The following XRN1 variants were observed in gnomAD, a reference collection of about 807,000 sequenced individuals.
The protein encoded by XRN1 is 5'-3' exoribonuclease 1, also known as strand-exchange protein 1 homolog.
A neutral mutation model predicts 222.3 loss-of-function variants in XRN1; 67 were observed. That is an observed-to-expected ratio of 0.30 (90% CI 0.25 to 0.37). The LOEUF (loss-of-function observed/expected upper bound fraction) is 0.37, where lower values mean the gene tolerates loss of function less well. Ranked by LOEUF, XRN1 falls within the 10% of genes least tolerant of loss-of-function variation. The pLI, the probability that XRN1 is intolerant of heterozygous loss-of-function variation, is 1.00. For missense variants in XRN1, 1,707 were observed against 2,000.2 expected (o/e 0.85, Z 2.80); for synonymous variants, 643 against 652.4 (o/e 0.99, Z 0.22).
At chr3:142,429,530 G>A (rs55687115) in intron 2 of XRN1, among the ~76,000 whole-genome samples, 19,270 of 152,138 alleles carry the variant, frequency 0.13, 1,240 homozygotes, top group Non-Finnish European at 0.14. Context: ...AGTAAAACAG[G>A]GAATTATGAA....
At position 142,375,815 on chromosome 3, in the gene XRN1, C is replaced by A. The variant is rs149638821; in HGVS notation, c.2961G>T (p.Leu987=). The part of the protein sequence containing the change: ...WMYSSAAEQL[L]AEYLERAPEL... Reference sequence around the variant, plus strand: ...GTACTTACCTCTCTAAGTACTCTGCCAGAAGTTGTTCTGCTGCAGATGAAT... The same window carrying A: ...GTACTTACCTCTCTAAGTACTCTGCAAGAAGTTGTTCTGCTGCAGATGAAT... The change falls in exon 25 of 41, where the codon CTG becomes CTT. Residue 987 remains leucine, a synonymous_variant. Transcript: ENST00000392981. 8.7e-6 allele frequency: 14 copies of A among 1,613,412 alleles called. No individual in the cohort carries two copies. The highest frequency in any genetic ancestry group is 1.3e-5 in the African/African-American group (1 of 74,864).
chr3:142,374,684 C>T (rs1281738448), intron 25 of XRN1, among the ~76,000 whole-genome samples: 2 of 151,982 alleles, frequency 1.3e-5, no homozygotes, highest in Non-Finnish European at 2.9e-5. Flanking sequence ...ATAAATATGT[C>T]AAGTTGAAAA....
chr3:142,412,201 T>C (rs911754002), intron 15 of XRN1, among the ~76,000 whole-genome samples: 18 of 152,332 alleles, frequency 1.2e-4, no homozygotes, highest in Middle Eastern at 3.4e-3. Flanking sequence ...ATAATTCTGG[T>C]AATTTTTGCT....
intron 36 of XRN1, among the ~76,000 whole-genome samples, chr3:142,332,154 A>C (rs1449683109): frequency 6.6e-6 from 1 of 152,156 alleles, no homozygotes; most frequent in Non-Finnish European, 1.5e-5. Context: ...GTGTGGTGGC[A>C]TATACCTGTA....
chr3:142,324,070 T>C (rs1560287438), intron 37 of XRN1, among the ~76,000 whole-genome samples: 1 of 151,860 alleles, frequency 6.6e-6, no homozygotes, highest in Non-Finnish European at 1.5e-5. Context: ...ATATATATTA[T>C]TGGGTTTTTT....
chr3:142,352,416 G>C (rs1377833636), intron 32 of XRN1, among the ~76,000 whole-genome samples: 2 of 152,096 alleles, frequency 1.3e-5, no homozygotes, highest in African/African-American at 4.8e-5. Context: ...ATTGGCTGAG[G>C]AGAACTACGT....
At chr3:142,371,152 T>C (rs1404977841) in intron 26 of XRN1, 87 bp downstream of exon 26, 2 of 917,512 alleles carry the variant, frequency 2.2e-6, no homozygotes, top group Non-Finnish European at 3.2e-6. Context: ...AAAAAAGTAA[T>C]ATGAAATTCT....
intron 20 of XRN1, among the ~76,000 whole-genome samples, chr3:142,387,036 C>T (rs973823060): frequency 5.7e-4 from 87 of 152,198 alleles, no homozygotes; most frequent in Middle Eastern, 3.4e-3. Flanking sequence ...CATATATACA[C>T]GTTCACCAAG....
rs1468456121 is a variant in XRN1, at chr3:142,432,681, C to T, written c.288G>A (p.Gln96=). 1.2e-6 allele frequency: 2 copies of T among 1,606,858 alleles called. No homozygotes were observed. The highest frequency in any genetic ancestry group is 1.7e-6 in the Non-Finnish European group (2 of 1,176,002). ...TTTACCTAAAACGCCTCCCACGCTG[C>T]TGGTTCATTTTTGCTCGAGGAGCCA... ...DGVAPRAKMN[Q]QRGRRFRSAK... Residue 96 remains glutamine (Q), a synonymous_variant, in exon 2 of 41, where the codon CAG becomes CAA. Coordinates refer to ENST00000392981, the MANE Select transcript of XRN1 (RefSeq NM_001282857.2).
chr3:142,355,455 C>T lies in XRN1; in HGVS notation c.3714G>A (p.Gln1238=). 1 of 1,599,940 alleles carries T rather than the reference C, an allele frequency of 6.3e-7. No individual in the cohort carries two copies. Among genetic ancestry groups the T allele is most frequent in the African/African-American group, 1.3e-5 (1 of 74,762 alleles). ...KDDDEFCNIW[Q]SLQGSGKMQY... The stretch of plus-strand genomic sequence containing the variant: ...GCATCTTTCCAGATCCCTGTAAGGA[C>T]TGCCAAATGTTGCAGAATTCATCAT... The change falls in exon 32 of 41, where the codon CAG becomes CAA. Residue 1238 remains glutamine (Q), a synonymous_variant. Coordinates refer to ENST00000392981, the MANE Select transcript of XRN1 (RefSeq NM_001282857.2).
intron 19 of XRN1, 55 bp from the exon 20 acceptor site, chr3:142,397,515 TTC>T: frequency 7.1e-7 from 1 of 1,402,026 alleles, no homozygotes; most frequent in Non-Finnish European, 9.4e-7. Context: ...TAATATAGAG[TTC>T]TAGCAGTGTG....
chr3:142,413,459 T>G (rs908634525), intron 14 of XRN1, among the ~76,000 whole-genome samples: 1 of 151,568 alleles, frequency 6.6e-6, no homozygotes. Context: ...CAGAAGGGAG[T>G]CTGACACTGC....
intron 25 of XRN1, among the ~76,000 whole-genome samples, 187 bp from the exon 26 acceptor site, chr3:142,371,515 C>T (rs2066991464): frequency 2.0e-5 from 3 of 152,088 alleles, no homozygotes; most frequent in African/African-American, 7.2e-5. Context: ...CTCCTAGACC[C>T]TCAAAAAACT....
At chr3:142,360,054 G>A in intron 29 of XRN1, 123 bp from the exon 30 acceptor site, 1 of 545,092 alleles carries the variant, frequency 1.8e-6, no homozygotes, top group Non-Finnish European at 3.0e-6. Context: ...AAAATATTCA[G>A]GATATGAACA....
At chr3:142,417,381 T>G in intron 12 of XRN1, 152 bp from the exon 13 acceptor site, 1 of 619,106 alleles carries the variant, frequency 1.6e-6, no homozygotes, top group South Asian at 2.5e-5. Flanking sequence ...TCCTAAAAAC[T>G]CCAAAATATT....
intron 15 of XRN1, among the ~76,000 whole-genome samples, chr3:142,411,497 G>A (rs1037578821): frequency 1.4e-4 from 21 of 151,764 alleles, no homozygotes; most frequent in South Asian, 2.1e-4. Context: ...TGCTTTAGTC[G>A]TATCATACTG....
chr3:142,367,101 A>C (rs950878907), intron 27 of XRN1, among the ~76,000 whole-genome samples: 2 of 152,202 alleles, frequency 1.3e-5, no homozygotes, highest in South Asian at 4.1e-4. Flanking sequence ...CAGCCTGACC[A>C]ACATGGAGAA....
chr3:142,379,091 T>C (rs2067225487), intron 23 of XRN1, among the ~76,000 whole-genome samples: 1 of 149,580 alleles, frequency 6.7e-6, no homozygotes. Flanking sequence ...TGAAACCCCA[T>C]CTCTACTAAA....
chr3:142,381,303 T>A (rs1394453132), intron 22 of XRN1, among the ~76,000 whole-genome samples: 1 of 152,134 alleles, frequency 6.6e-6, no homozygotes, highest in Non-Finnish European at 1.5e-5. Flanking sequence ...AAGATAGATA[T>A]TTTACTATAT....
Sources: gnomAD v4.1 joint callset for allele counts (sites outside exome capture counted in the v4.1 genomes callset) on GRCh38, gnomAD v4.1.1 for gene constraint, MANE v1.5 for transcripts, NCBI Gene and HGNC (gene_info 2026-07-23, HGNC 2026-07-21) for gene names.